Variants in ARRDC3 observed in about 807,000 individuals in gnomAD.
ARRDC3 encodes arrestin domain containing 3.
Under a neutral mutation model 47.2 loss-of-function variants are expected in ARRDC3, and 10 were observed. The observed-to-expected ratio is 0.21, with a 90% CI of 0.13 to 0.36. ARRDC3 has a LOEUF of 0.36. Ranked by LOEUF, ARRDC3 falls within the 10% of genes least tolerant of loss-of-function variation. ARRDC3 has a pLI of 1.00. For synonymous variants in ARRDC3, 156 were observed against 178.3 expected (o/e 0.87, Z 1.00); for missense variants, 381 against 503.6 (o/e 0.76, Z 2.33).
intron 7 of ARRDC3, 39 bp downstream of exon 7, chr5:91,373,645 A>T (rs1799230504): frequency 6.4e-7 from 1 of 1,560,324 alleles, no homozygotes; most frequent in Non-Finnish European, 8.7e-7. Flanking sequence ...ATTTCCCAAG[A>T]TAGCCAGTTC....
rs1057336285 is a variant in ARRDC3 at position 91,368,689 on chromosome 5, T to C, written c.*2711A>G. 1.3e-5 allele frequency: 2 copies of C among 152,422 alleles called. No individual in the cohort carries two copies. Among genetic ancestry groups the C allele is most frequent in the African/African-American group, 4.8e-5 (2 of 41,464 alleles). The allele number at this position is 152,422 out of a possible 1,614,324, so 9.4% of individuals were successfully genotyped here. The stretch of plus-strand genomic sequence containing the variant: ...TGTGTTTGCATGTATGGTGAGTTAC[T>C]AATATGATCAAGATTCAAATAAATC... On this transcript the variant is annotated 3_prime_UTR_variant, in exon 8 of 8. Transcript: ENST00000265138.
At position 91,371,429 on chromosome 5, in the gene ARRDC3, C is replaced by A. The variant is rs556140784; in HGVS notation, c.1216G>T (p.Asp406Tyr). Reference sequence around the variant, plus strand: ...CGAGAGGGGCAGGATGGTCTATCATCTGCTGACTGATCAGGATTTGGATCA... The same window carrying A: ...CGAGAGGGGCAGGATGGTCTATCATATGCTGACTGATCAGGATTTGGATCA... ...EIDPNPDQSA[D>Y]DRPSCPSR The change falls in exon 8 of 8, where the codon GAT (aspartate) becomes TAT (tyrosine). Residue 406 changes from aspartate (D) to tyrosine (Y), a missense_variant. By Grantham distance (160) the Asp-to-Tyr change is radical (BLOSUM62 -3). Transcript: ENST00000265138. 1 of 1,613,606 alleles carries A rather than the reference C, an allele frequency of 6.2e-7. No homozygotes were observed. The highest frequency in any genetic ancestry group is 1.1e-5 in the South Asian group (1 of 91,040).
At chr5:91,378,528 T>TA (rs1799358954) in intron 2 of ARRDC3, among the ~76,000 whole-genome samples, 166 bp downstream of exon 2, 1 of 152,094 alleles carries the variant, frequency 6.6e-6, no homozygotes, top group Admixed American at 6.5e-5. Flanking sequence ...CACGCTAGAT[T>TA]AAAAAATAGC....
intron 7 of ARRDC3, among the ~76,000 whole-genome samples, chr5:91,373,461 G>C (rs1010817582): frequency 6.6e-6 from 1 of 152,154 alleles, no homozygotes; most frequent in Non-Finnish European, 1.5e-5. Flanking sequence ...TTCAACATGA[G>C]GTTAGATCAT....
chr5:91,373,161 G>T (rs1012314099), intron 7 of ARRDC3, among the ~76,000 whole-genome samples: 3 of 151,982 alleles, frequency 2.0e-5, no homozygotes, highest in African/African-American at 7.3e-5. Flanking sequence ...TTCTCCTAAG[G>T]GCCATGTTTT....
At chr5:91,381,019 TC>T (rs1346156650) in intron 1 of ARRDC3, 1 of 152,106 alleles carries the variant, frequency 6.6e-6, no homozygotes, top group East Asian at 1.9e-4. Flanking sequence ...GAGCTCACTC[TC>T]CCCACCCGCC....
rs1211888724 is a variant in ARRDC3, at chr5:91,373,683, C to T, written c.1188+1G>A. On this transcript the variant is annotated splice_donor_variant, in intron 7 of 7. Coordinates refer to ENST00000265138, the MANE Select transcript of ARRDC3 (RefSeq NM_020801.4). LOFTEE classifies it high-confidence loss of function. ...TTCATACTTAAGGAGTAGGTACTTA[C>T]CTCTGAATAAAGAGGTGGAGGCAAG... 1 of 1,613,084 alleles carries T rather than the reference C, an allele frequency of 6.2e-7. No individual in the cohort carries two copies. The highest frequency in any genetic ancestry group is 1.3e-5 in the African/African-American group (1 of 74,894).
chr5:91,374,992 A>G lies in ARRDC3; in HGVS notation c.800T>C (p.Leu267Ser), dbSNP rs1799266582. The G allele has an allele frequency of 6.2e-7, 1 of 1,614,108 alleles. No homozygotes were observed. The highest frequency in any genetic ancestry group is 1.3e-5 in the African/African-American group (1 of 74,954). ...GGGAGAAACTGGTGGAATTTTCAGCAACTTGCCATTCCACGTCTCTGTCTT... is the reference window on the plus strand; with the variant it reads ...GGGAGAAACTGGTGGAATTTTCAGCGACTTGCCATTCCACGTCTCTGTCTT... Reference protein sequence around the residue: ...SGKTETWNGKLLKIPPVSPSI... With the variant: ...SGKTETWNGKSLKIPPVSPSI... The change falls in exon 5 of 8, where the codon TTG (leucine) becomes TCG (serine). Residue 267 changes from leucine to serine, a missense_variant. By Grantham distance (145) the Leu-to-Ser change is moderately radical. Transcript: ENST00000265138.
chr5:91,373,624 C>T (rs1378229604), intron 7 of ARRDC3, 60 bp downstream of exon 7: 2 of 1,475,298 alleles, frequency 1.4e-6, no homozygotes, highest in Admixed American at 2.1e-5. Context: ...AAAAAAAATG[C>T]CTGCAATGCT....
chr5:91,379,323 A>ATTTTAATG (rs1486969974), intron 1 of ARRDC3, among the ~76,000 whole-genome samples: 1 of 148,740 alleles, frequency 6.7e-6, no homozygotes, highest in Non-Finnish European at 1.5e-5. Context: ...CCACACATTG[A>ATTTTAATG]TTTTAATGTC....
chr5:91,383,269 G>GGCT lies in ARRDC3; in HGVS notation c.-180_-178dup. The GGCT allele has an allele frequency of 1.6e-6, 1 of 616,060 alleles. No individual in the cohort carries two copies. Among genetic ancestry groups the GGCT allele is most frequent in the Non-Finnish European group, 2.7e-6 (1 of 373,050 alleles). The allele number at this position is 616,060 out of a possible 1,614,324, so 38.2% of individuals were successfully genotyped here. A position where few individuals can be genotyped will look rare whatever the true frequency, so the allele number is the denominator to read the frequency against. On this transcript the variant is annotated 5_prime_UTR_variant, in exon 1 of 8. Transcript: ENST00000265138. ...TTTCTTAAAAAGTCAGGGCAGCAGA[G>GGCT]GCTGCTGCTCCGCGCTCCCGCTCGT...
At position 91,371,316 on chromosome 5, in the gene ARRDC3, C is replaced by A. The variant is rs1442707917; in HGVS notation, c.*84G>T. 5 of 1,222,510 alleles carry A rather than the reference C, an allele frequency of 4.1e-6. No homozygotes were observed. Among genetic ancestry groups the A allele is most frequent in the Non-Finnish European group, 5.9e-6 (5 of 852,330 alleles). The allele number at this position is 1,222,510 out of a possible 1,614,324, so 75.7% of individuals were successfully genotyped here. A position where few individuals can be genotyped will look rare whatever the true frequency, so the allele number is the denominator to read the frequency against. ...AAAAGTAATTCCACTTCCTCTGAAA[C>A]GTGTCTCCAAGATACTTCTCTGTCC... On this transcript the variant is annotated 3_prime_UTR_variant, in exon 8 of 8. Transcript: ENST00000265138.
intron 1 of ARRDC3, among the ~76,000 whole-genome samples, chr5:91,381,774 T>C (rs1435807227): frequency 6.6e-6 from 1 of 152,196 alleles, no homozygotes; most frequent in African/African-American, 2.4e-5. Flanking sequence ...TTTAACATTA[T>C]ATTCTTCTTG....
chr5:91,374,083 G>A, intron 6 of ARRDC3, 31 bp downstream of exon 6: 1 of 1,595,096 alleles, frequency 6.3e-7, no homozygotes, highest in Non-Finnish European at 8.5e-7. Context: ...AGTAGTAAGA[G>A]ATTAAGCTTA....
chr5:91,372,052 T>G (rs565815212), intron 7 of ARRDC3, among the ~76,000 whole-genome samples: 8 of 152,312 alleles, frequency 5.3e-5, no homozygotes, highest in South Asian at 2.1e-4. Context: ...ATAAAACTGC[T>G]GAACCCAAAA....
chr5:91,374,868 AG>A (rs1799262053), intron 5 of ARRDC3, 53 bp downstream of exon 5: 1 of 1,560,136 alleles, frequency 6.4e-7, no homozygotes, highest in Non-Finnish European at 8.8e-7. Context: ...CCTGGGTGAC[AG>A]GTGTTTCAAA....
intron 1 of ARRDC3, chr5:91,380,689 G>A (rs1453011242): frequency 6.6e-6 from 1 of 152,282 alleles, no homozygotes; most frequent in Non-Finnish European, 1.5e-5. Flanking sequence ...CCACTCGGAA[G>A]ATAGCTAACG....
chr5:91,378,669 A>G (rs752021613), intron 2 of ARRDC3, 25 bp downstream of exon 2: 1 of 1,303,298 alleles, frequency 7.7e-7, no homozygotes, highest in African/African-American at 1.5e-5. Context: ...TATCTATAAA[A>G]ATGCCTATTA....
intron 1 of ARRDC3, 77 bp downstream of exon 1, chr5:91,382,736 C>CA: frequency 7.0e-7 from 1 of 1,435,110 alleles, no homozygotes; most frequent in South Asian, 1.3e-5. Flanking sequence ...GGAGTAGAAT[C>CA]ACGTTAATTC....
Sources: allele counts gnomAD v4.1 joint callset (sites outside exome capture counted in the v4.1 genomes callset), GRCh38; gene constraint gnomAD v4.1.1; transcripts MANE v1.5; gene names NCBI Gene and HGNC (gene_info 2026-07-23, HGNC 2026-07-21).